PITRM1: variants seen among roughly 807,000 people sequenced by gnomAD.
The protein encoded by PITRM1 is pitrilysin metallopeptidase 1, also known as presequence protease, mitochondrial.
PITRM1 carries 100 observed loss-of-function variants against 129.9 expected under a neutral mutation model. That is an observed-to-expected ratio of 0.77 (90% CI 0.65 to 0.91). The LOEUF is 0.91. PITRM1 is among the 40% of genes least tolerant of loss of function. The pLI, the probability that PITRM1 is intolerant of heterozygous loss-of-function variation, is 0.00. For missense variants in PITRM1, 1,471 were observed against 1,318.3 expected (o/e 1.12, Z -1.79); for synonymous variants, 591 against 508.8 (o/e 1.16, Z -2.17).
chr10:3,154,760 C>T (rs1393908771), intron 14 of PITRM1, among the ~76,000 whole-genome samples: 1 of 151,974 alleles, frequency 6.6e-6, no homozygotes, highest in African/African-American at 2.4e-5. Context: ...ATGTTTTTTC[C>T]CAGAGGCCAA....
At chr10:3,156,013 A>G (rs1024594705) in intron 13 of PITRM1, among the ~76,000 whole-genome samples, 3 of 152,208 alleles carry the variant, frequency 2.0e-5, no homozygotes, top group African/African-American at 7.2e-5. Flanking sequence ...AAACATATCA[A>G]TACTAAACAT....
chr10:3,143,335 A>T, intron 23 of PITRM1, 54 bp downstream of exon 23: 2 of 1,138,676 alleles, frequency 1.8e-6, no homozygotes, highest in Middle Eastern at 1.9e-4. Context: ...AACAGCCTTG[A>T]CAAGCTCTTC....
intron 1 of PITRM1, among the ~76,000 whole-genome samples, chr10:3,170,630 C>T (rs573759278): frequency 2.6e-5 from 4 of 152,090 alleles, no homozygotes; most frequent in African/African-American, 4.8e-5. Context: ...CTAATATTAC[C>T]GGGAACTCTC....
chr10:3,162,807 C>T (rs145990282), intron 7 of PITRM1, among the ~76,000 whole-genome samples: 3 of 152,338 alleles, frequency 2.0e-5, no homozygotes, highest in South Asian at 4.1e-4. Flanking sequence ...ACTCCTCTGC[C>T]GTCCCCTAGA....
chr10:3,170,211 A>G lies in PITRM1; in HGVS notation c.57-5T>C. 6.2e-7 allele frequency: 1 copy of G among 1,610,472 alleles called. No individual in the cohort carries two copies. The highest frequency in any genetic ancestry group is 8.5e-7 in the Non-Finnish European group (1 of 1,176,952). On this transcript the variant is annotated splice_polypyrimidine_tract_variant and splice_region_variant and intron_variant, in intron 1 of 26. Coordinates refer to ENST00000224949, the MANE Select transcript of PITRM1 (RefSeq NM_014889.4). ...CACGCTCTGTGGTGTGCATGTCTAG[A>G]TTAAAAGTCATCTAAGTTAGATGAG...
At position 3,147,744 on chromosome 10, in the gene PITRM1, A is replaced by G; in HGVS notation, c.2070-7T>C. ...CTCTTCTTCAAAGCACGGGCTATGGAAAAAGGAGAAGAAAAAATTCCTGGA... is the reference window on the plus strand; with the variant it reads ...CTCTTCTTCAAAGCACGGGCTATGGGAAAAGGAGAAGAAAAAATTCCTGGA... On this transcript the variant is annotated splice_polypyrimidine_tract_variant and splice_region_variant and intron_variant, in intron 18 of 26. Coordinates refer to ENST00000224949, the MANE Select transcript of PITRM1 (RefSeq NM_014889.4). 6.4e-7 allele frequency: 1 copy of G among 1,564,808 alleles called. No homozygotes were observed. The highest frequency in any genetic ancestry group is 8.6e-7 in the Non-Finnish European group (1 of 1,160,330).
Position 3,170,174 on chromosome 10 carries a change from C to T in PITRM1, c.89G>A (p.Ser30Asn). 9.9e-6 allele frequency: 16 copies of T among 1,613,982 alleles called. No individual in the cohort carries two copies. Among genetic ancestry groups the T allele is most frequent in the Non-Finnish European group, 1.4e-5 (16 of 1,179,834 alleles). The change falls in exon 2 of 27, where the codon AGT (serine) becomes AAT (asparagine). Residue 30 changes from serine (S) to asparagine (N), a missense_variant. Ser to Asn is a conservative substitution (Grantham distance 46, BLOSUM62 1). Transcript: ENST00000224949. ...HAHHRAWRWNSNRACERALQY... is the reference protein window; with the variant it reads ...HAHHRAWRWNNNRACERALQY... ...CAGAGCCCTCTCACAAGCCCGGTTA[C>T]TGTTCCATCGCCACGCTCTGTGGTG...
At chr10:3,144,505 T>TA in intron 21 of PITRM1, 139 bp from the exon 22 acceptor site, 21 of 573,120 alleles carry the variant, frequency 3.7e-5, no homozygotes, top group South Asian at 2.2e-4. Flanking sequence ...AATAAACGCT[T>TA]AAAAAAAATA....
chr10:3,145,151 C>CATTAAAAAA, intron 21 of PITRM1: 1 of 164,532 alleles, frequency 6.1e-6, no homozygotes, highest in South Asian at 1.6e-4. Context: ...CACGGCTTCT[C>CATTAAAAAA]TACTGACATC....
chr10:3,172,639 C>G, intron 1 of PITRM1, 78 bp downstream of exon 1: 6 of 1,324,820 alleles, frequency 4.5e-6, no homozygotes, highest in Non-Finnish European at 6.1e-6. Context: ...GGACGAGGAC[C>G]CCTACGCCTC....
rs777407611 is a variant in PITRM1 at position 3,166,520 on chromosome 10, A to G, written c.267-140T>C. Reference sequence around the variant, plus strand: ...TCCAGCACAGGGTTTTCCAACTATAATGTAAATCATTGACTCAGACTGTAA... The same window carrying G: ...TCCAGCACAGGGTTTTCCAACTATAGTGTAAATCATTGACTCAGACTGTAA... On this transcript the variant is annotated intron_variant, in intron 3 of 26. Coordinates refer to ENST00000224949, the MANE Select transcript of PITRM1 (RefSeq NM_014889.4). 1.5e-5 allele frequency: 8 copies of G among 537,146 alleles called. 1 individual carries two copies. Among genetic ancestry groups the G allele is most frequent in the Non-Finnish European group, 2.3e-5 (7 of 307,462 alleles). The allele number at this position is 537,146 out of a possible 1,614,324, so 33.3% of individuals were successfully genotyped here.
intron 23 of PITRM1, among the ~76,000 whole-genome samples, 159 bp from the exon 24 acceptor site, chr10:3,140,971 C>T (rs1840130788): frequency 6.6e-6 from 1 of 152,172 alleles, no homozygotes; most frequent in South Asian, 2.1e-4. Flanking sequence ...GAGATGGGGT[C>T]TCGCTCTGTC....
chr10:3,148,133 C>G, intron 17 of PITRM1, 38 bp downstream of exon 17: 1 of 1,613,910 alleles, frequency 6.2e-7, no homozygotes, highest in Non-Finnish European at 8.5e-7. Context: ...TGGAGAAAAG[C>G]TTCCCACCGC....
intron 1 of PITRM1, among the ~76,000 whole-genome samples, chr10:3,171,954 A>G (rs1350334291): frequency 6.6e-6 from 1 of 152,264 alleles, no homozygotes; most frequent in Non-Finnish European, 1.5e-5. Flanking sequence ...TAAAGATAAT[A>G]TGTACAGGAA....
At position 3,160,279 on chromosome 10, in the gene PITRM1, G is replaced by A. The variant is rs371267437; in HGVS notation, c.843C>T (p.His281=). The A allele has an allele frequency of 8.7e-6, 14 of 1,613,052 alleles. No homozygotes were observed. Among genetic ancestry groups the A allele is most frequent in the South Asian group, 4.4e-5 (4 of 91,066 alleles). Residue 281 remains histidine (H), a synonymous_variant, in exon 8 of 27, where the codon CAC becomes CAT. Coordinates refer to ENST00000224949, the MANE Select transcript of PITRM1 (RefSeq NM_014889.4). Reference sequence around the variant, plus strand: ...TCTGGAATTTGCTCAGTGCTTCCTCGTGAATTTGTTTCAGATGCTGTTCTA... The same window carrying A: ...TCTGGAATTTGCTCAGTGCTTCCTCATGAATTTGTTTCAGATGCTGTTCTA... ...FPLEQHLKQI[H]EEALSKFQKI...
chr10:3,157,014 C>T lies in PITRM1; in HGVS notation c.1398G>A (p.Lys466=). ...TGAATTTAGCTAACTGATTTCCCAACTTCAAGAGCTCCACAGGGTCCCCAT... is the reference window on the plus strand; with the variant it reads ...TGAATTTAGCTAACTGATTTCCCAATTTCAAGAGCTCCACAGGGTCCCCAT... The part of the protein sequence containing the change: ...NHDGDPVELL[K]LGNQLAKFRQ... The change falls in exon 13 of 27, where the codon AAG becomes AAA. Residue 466 remains lysine, a synonymous_variant. Transcript: ENST00000224949. 1.2e-6 allele frequency: 2 copies of T among 1,610,660 alleles called. No homozygotes were observed. The highest frequency in any genetic ancestry group is 1.7e-6 in the Non-Finnish European group (2 of 1,179,028).
rs1842205903 is a variant in PITRM1, at chr10:3,158,947, G to C, written c.1103C>G (p.Ser368Cys). ...NSPFYKALIE[S>C]GLGTDFSPDV... ...AGGAGAAAAGTCTGTGCCAAGGCCA[G>C]ATTCAATCAAGGCTTTGTAAAAGGG... The change falls in exon 10 of 27, where the codon TCT becomes TGT. Residue 368 changes from serine to cysteine, a missense_variant. Ser to Cys is a moderately radical substitution (Grantham distance 112). Transcript: ENST00000224949. 6.2e-7 allele frequency: 1 copy of C among 1,613,608 alleles called. No homozygotes were observed. Among genetic ancestry groups the C allele is most frequent in the Non-Finnish European group, 8.5e-7 (1 of 1,179,666 alleles).
chr10:3,157,596 C>T (rs1564417672), intron 11 of PITRM1, 65 bp from the exon 12 acceptor site: 1 of 1,050,384 alleles, frequency 9.5e-7, no homozygotes, highest in Non-Finnish European at 1.4e-6. Flanking sequence ...AATCCCAGCA[C>T]TTTGGGAGGC....
chr10:3,140,784 C>T lies in PITRM1; in HGVS notation c.2674G>A (p.Ala892Thr). Residue 892 changes from alanine to threonine, a missense_variant, in exon 24 of 27, where the codon GCC (alanine) becomes ACC (threonine). Ala to Thr is a moderately conservative substitution (Grantham distance 58, BLOSUM62 0). Transcript: ENST00000224949. ...SLKILARLMT[A>T]KFLHTEIREK... ...CGAATTTCTGTATGCAAGAATTTGG[C>T]AGTCATCAAACGTGCAAGGATTTTA... is the stretch of plus-strand genomic sequence containing the variant. 1.9e-6 allele frequency: 3 copies of T among 1,588,814 alleles called. No individual in the cohort carries two copies. In the South Asian group the frequency reaches 3.4e-5, roughly 18 times the overall value.
Sources: allele counts gnomAD v4.1 joint callset (sites outside exome capture counted in the v4.1 genomes callset), GRCh38; gene constraint gnomAD v4.1.1; transcripts MANE v1.5; gene names NCBI Gene and HGNC (gene_info 2026-07-23, HGNC 2026-07-21).